Variants in HTR2A observed in about 807,000 individuals in gnomAD.
The protein encoded by HTR2A is 5-HT2 receptor.
Under a neutral mutation model 31.0 loss-of-function variants are expected in HTR2A, and 14 were observed. The observed-to-expected ratio is 0.45, with a 90% CI of 0.30 to 0.71. The LOEUF is 0.71. Ranked by LOEUF, HTR2A falls within the 30% of genes least tolerant of loss-of-function variation. HTR2A has a pLI of 0.09. For synonymous variants in HTR2A, 209 were observed against 225.2 expected, an observed-to-expected ratio of 0.93 and a Z score of 0.64; for missense variants, 442 against 573.3, an observed-to-expected ratio of 0.77 and a Z score of 2.34.
Position 46,831,772 on chromosome 13 carries a change from T to C in HTR2A, c.*3065A>G, listed in dbSNP as rs1048952. 6.6e-6 allele frequency: 1 copy of C among 152,238 alleles called. No individual in the cohort carries two copies. The highest frequency in any genetic ancestry group is 1.5e-5 in the Non-Finnish European group (1 of 68,032). The allele number at this position is 152,238 out of a possible 1,614,324, so 9.4% of individuals were successfully genotyped here. On this transcript the variant is annotated 3_prime_UTR_variant, in exon 4 of 4. Transcript: ENST00000542664. ...GTTCAATTTGGCTACGGTAGCACTTTAAAAAATTACCATGAGATGGCGCTG... is the reference window on the plus strand; with the variant it reads ...GTTCAATTTGGCTACGGTAGCACTTCAAAAAATTACCATGAGATGGCGCTG...
chr13:46,867,163 T>G (rs1478607192), intron 3 of HTR2A, among the ~76,000 whole-genome samples: 1 of 152,016 alleles, frequency 6.6e-6, no homozygotes, highest in Non-Finnish European at 1.5e-5. Flanking sequence ...CTTGAGGAAA[T>G]AAGGCAAGTA....
chr13:46,839,036 AGGGG>A (rs1950579257), intron 3 of HTR2A, among the ~76,000 whole-genome samples: 1 of 151,336 alleles, frequency 6.6e-6, no homozygotes, highest in Non-Finnish European at 1.5e-5. Context: ...AGTTTCTGAG[AGGGG>A]TGATGGAGTC....
chr13:46,896,607 G>T, intron 1 of HTR2A, 67 bp downstream of exon 1: 1 of 1,178,368 alleles, frequency 8.5e-7, no homozygotes, highest in Non-Finnish European at 1.2e-6. Context: ...TTACATGTTG[G>T]CCAAGCATGA....
intron 2 of HTR2A, among the ~76,000 whole-genome samples, chr13:46,894,945 A>G (rs1353128172): frequency 1.3e-5 from 2 of 152,228 alleles, no homozygotes; most frequent in Non-Finnish European, 2.9e-5. Flanking sequence ...TAATTCATTT[A>G]TTCTAATTGA....
rs114902627 is a variant in HTR2A, at chr13:46,867,399, G to A, written c.613+24991C>T. On this transcript the variant is annotated intron_variant, in intron 3 of 3. Transcript: ENST00000542664. The stretch of plus-strand genomic sequence containing the variant: ...AACTTGACAAGTTAAAAGCATCTCA[G>A]GAAAGGGATCATTTTCAATTTGAAT... 3.0e-3 allele frequency among the ~76,000 whole-genome samples: 459 copies of A among 152,286 alleles called. 2 individuals are homozygous for A. The highest frequency in any genetic ancestry group is 0.011 in the African/African-American group (444 of 41,564).
intron 3 of HTR2A, among the ~76,000 whole-genome samples, chr13:46,876,377 T>C (rs1293723221): frequency 1.4e-5 from 2 of 143,824 alleles, no homozygotes; most frequent in Non-Finnish European, 3.0e-5. Flanking sequence ...TGTGCTTGTA[T>C]TTTGATTCAT....
intron 3 of HTR2A, among the ~76,000 whole-genome samples, chr13:46,871,098 G>A (rs1306486940): frequency 2.0e-5 from 3 of 152,162 alleles, no homozygotes; most frequent in Non-Finnish European, 2.9e-5. Flanking sequence ...ACACGTGCCT[G>A]CATGAGCTTG....
At chr13:46,853,308 C>T (rs999713871) in intron 3 of HTR2A, among the ~76,000 whole-genome samples, 1 of 152,140 alleles carries the variant, frequency 6.6e-6, no homozygotes, top group Admixed American at 6.5e-5. Context: ...CTGTCCACAT[C>T]TTGCTGGACA....
intron 3 of HTR2A, among the ~76,000 whole-genome samples, chr13:46,855,066 C>G (rs1411178403): frequency 1.3e-5 from 2 of 152,058 alleles, no homozygotes; most frequent in Non-Finnish European, 2.9e-5. Context: ...GACTAATGTC[C>G]CCCCAGAGCT....
In HTR2A at chr13:46,892,515, A is replaced by G; in HGVS notation, c.488T>C (p.Ile163Thr). 6.2e-7 allele frequency: 1 copy of G among 1,614,224 alleles called. No homozygotes were observed. Among genetic ancestry groups the G allele is most frequent in the Non-Finnish European group, 8.5e-7 (1 of 1,180,040 alleles). The change falls in exon 3 of 4, where the codon ATC becomes ACC. Residue 163 changes from isoleucine (I) to threonine (T), a missense_variant. Transcript: ENST00000542664. ...YLDVLFSTAS[I>T]MHLCAISLDR... The stretch of plus-strand genomic sequence containing the variant: ...CAGCGAGATGGCGCAGAGGTGCATG[A>G]TGGAGGCCGTGGAGAAGAGCACGTC...
chr13:46,859,841 T>C (rs542474106), intron 3 of HTR2A, among the ~76,000 whole-genome samples: 1 of 152,334 alleles, frequency 6.6e-6, no homozygotes, highest in East Asian at 1.9e-4. Flanking sequence ...GTAAAGATTG[T>C]GCCTGCTTCT....
At chr13:46,859,024 C>G (rs902044030) in intron 3 of HTR2A, among the ~76,000 whole-genome samples, 3 of 152,216 alleles carry the variant, frequency 2.0e-5, no homozygotes, top group African/African-American at 7.2e-5. Flanking sequence ...TTTGGCATCA[C>G]TTTGCCCTTT....
chr13:46,875,037 A>C (rs1454880088), intron 3 of HTR2A, among the ~76,000 whole-genome samples: 2 of 152,248 alleles, frequency 1.3e-5, no homozygotes, highest in Non-Finnish European at 2.9e-5. Context: ...GGTCTATTAG[A>C]AAAATAAAGA....
At chr13:46,872,788 T>TGTAG (rs575791396) in intron 3 of HTR2A, among the ~76,000 whole-genome samples, 11 of 152,338 alleles carry the variant, frequency 7.2e-5, no homozygotes, top group South Asian at 2.1e-4. Flanking sequence ...AAACTGATAG[T>TGTAG]GTAGGCAGTG....
At chr13:46,876,197 T>A (rs940961941) in intron 3 of HTR2A, among the ~76,000 whole-genome samples, 1 of 152,036 alleles carries the variant, frequency 6.6e-6, no homozygotes, top group African/African-American at 2.4e-5. Flanking sequence ...TCTCCATTTC[T>A]ACTGTTGAAA....
chr13:46,897,915 C>T (rs769746820), upstream of HTR2A, among the ~76,000 whole-genome samples: 4 of 152,174 alleles, frequency 2.6e-5, no homozygotes, highest in South Asian at 2.1e-4. Flanking sequence ...TCCCTCACTC[C>T]GCATCCCCCT....
Position 46,832,259 on chromosome 13 carries a change from CAT to C in HTR2A, c.*2576_*2577del, listed in dbSNP as rs1256389229. 5 of 152,318 alleles carry C rather than the reference CAT, an allele frequency of 3.3e-5. No individual in the cohort carries two copies. In the South Asian group the frequency reaches 8.3e-4, roughly 25 times the overall value. The allele number at this position is 152,318 out of a possible 1,614,324, so 9.4% of individuals were successfully genotyped here. On this transcript the variant is annotated 3_prime_UTR_variant, in exon 4 of 4. Transcript: ENST00000542664. ...GAACATGAATTCACATTTAAATAAACATGATACAAACATGCACACATGTGTAT... is the reference window on the plus strand; with the variant it reads ...GAACATGAATTCACATTTAAATAAACGATACAAACATGCACACATGTGTAT...
chr13:46,882,867 T>C (rs573614815), intron 3 of HTR2A, among the ~76,000 whole-genome samples: 1 of 152,264 alleles, frequency 6.6e-6, no homozygotes, highest in African/African-American at 2.4e-5. Flanking sequence ...GTATATGAAA[T>C]AGAATCCAAG....
rs1025625352 is a variant in HTR2A, at chr13:46,832,062, A to T, written c.*2775T>A. ...ACTAAACAAAGGGCCCAAAGGTACC[A>T]TTTTATTTAGGATCAAGAAACTATA... On this transcript the variant is annotated 3_prime_UTR_variant, in exon 4 of 4. Coordinates refer to ENST00000542664, the MANE Select transcript of HTR2A (RefSeq NM_000621.5). 3 of 152,236 alleles carry T rather than the reference A, an allele frequency of 2.0e-5. No individual in the cohort carries two copies. Among genetic ancestry groups the T allele is most frequent in the Non-Finnish European group, 4.4e-5 (3 of 68,030 alleles). 9.4% of individuals were successfully genotyped at this position (152,236 alleles called of 1,614,324 possible).
Sources: gnomAD v4.1 joint callset for allele counts (sites outside exome capture counted in the v4.1 genomes callset) on GRCh38, gnomAD v4.1.1 for gene constraint, MANE v1.5 for transcripts, NCBI Gene and HGNC (gene_info 2026-07-23, HGNC 2026-07-21) for gene names.